Variants in PTPRG observed in about 807,000 individuals in gnomAD.
PTPRG encodes protein tyrosine phosphatase receptor type G.
A neutral mutation model predicts 165.3 loss-of-function variants in PTPRG; 102 were observed. That is an observed-to-expected ratio of 0.62 (90% CI 0.53 to 0.73). The LOEUF is 0.73. PTPRG is among the 30% of genes least tolerant of loss of function. The pLI, the probability that PTPRG is intolerant of heterozygous loss-of-function variation, is 0.00. For synonymous variants in PTPRG, 675 were observed against 669.5 expected (o/e 1.01, Z -0.13); for missense variants, 1,866 against 1,861.4 (o/e 1.00, Z -0.05).
rs182330120 is a variant in PTPRG at position 61,990,216 on chromosome 3, C to A, written c.370+412C>A. 7.7e-3 allele frequency among the ~76,000 whole-genome samples: 1,175 copies of A among 152,162 alleles called. 22 individuals carry two copies. Among genetic ancestry groups the A allele is most frequent in the African/African-American group, 0.027 (1,128 of 41,504 alleles). On this transcript the variant is annotated intron_variant, in intron 3 of 29. Coordinates refer to ENST00000474889, the MANE Select transcript of PTPRG (RefSeq NM_002841.4). The stretch of plus-strand genomic sequence containing the variant: ...CCTCAGTTGTATTAGGTACATTTCA[C>A]GTGCTTATCTGCCACATACGGCTAG...
At position 62,021,101 on chromosome 3, in the gene PTPRG, A is replaced by G. The variant is rs150298846; in HGVS notation, c.519+17604A>G. On this transcript the variant is annotated intron_variant, in intron 4 of 29. Transcript: ENST00000474889. ...GTTGAACTTGTTCCCTCATCAGTAA[A>G]ATGACTTTTAATACGAATACCTGCG... 3.2e-3 allele frequency among the ~76,000 whole-genome samples: 481 copies of G among 150,938 alleles called. 3 individuals carry two copies. The highest frequency in any genetic ancestry group is 0.011 in the African/African-American group (461 of 40,716).
chr3:61,719,388 G>C (rs959334021), intron 1 of PTPRG, among the ~76,000 whole-genome samples: 2 of 152,150 alleles, frequency 1.3e-5, no homozygotes, highest in African/African-American at 4.8e-5. Flanking sequence ...CTGGTGTCGA[G>C]GTCTTTTCTT....
intron 26 of PTPRG, among the ~76,000 whole-genome samples, chr3:62,280,738 C>A (rs765463004): frequency 1.3e-5 from 2 of 151,996 alleles, no homozygotes; most frequent in East Asian, 1.9e-4. Flanking sequence ...GAAATCAACA[C>A]CTCGTAAAGA....
chr3:62,041,065 C>T (rs1025970923), intron 4 of PTPRG, among the ~76,000 whole-genome samples: 1 of 152,120 alleles, frequency 6.6e-6, no homozygotes. Flanking sequence ...TCTGTCTCTT[C>T]CTCTGTAAAA....
At chr3:61,690,813 A>AT (rs200547448) in intron 1 of PTPRG, among the ~76,000 whole-genome samples, 1,570 of 147,754 alleles carry the variant, frequency 0.011, 56 homozygotes, top group Admixed American at 0.064. Context: ...CTAGAGAGTG[A>AT]TTTTTTTTTT....
chr3:61,708,377 A>G (rs1040757487), intron 1 of PTPRG, among the ~76,000 whole-genome samples: 1 of 151,266 alleles, frequency 6.6e-6, no homozygotes, highest in Non-Finnish European at 1.5e-5. Flanking sequence ...TCACAGCCCA[A>G]CTGGGGGATC....
At chr3:61,883,412 T>C (rs1264042883) in intron 2 of PTPRG, among the ~76,000 whole-genome samples, 1 of 152,238 alleles carries the variant, frequency 6.6e-6, no homozygotes, top group East Asian at 1.9e-4. Flanking sequence ...TCCAGAAACT[T>C]TTCCTGGATT....
chr3:61,985,697 T>A (rs1286651270), intron 2 of PTPRG, among the ~76,000 whole-genome samples: 1 of 152,184 alleles, frequency 6.6e-6, no homozygotes, highest in Non-Finnish European at 1.5e-5. Flanking sequence ...GATGGATTGA[T>A]CATTAAGACT....
At chr3:61,722,329 C>T (rs1169661450) in intron 1 of PTPRG, among the ~76,000 whole-genome samples, 1 of 152,100 alleles carries the variant, frequency 6.6e-6, no homozygotes, top group Non-Finnish European at 1.5e-5. Context: ...CCCCCGTGGG[C>T]CAAATACGTT....
At chr3:61,779,837 C>G (rs1248054289) in intron 2 of PTPRG, among the ~76,000 whole-genome samples, 1 of 152,192 alleles carries the variant, frequency 6.6e-6, no homozygotes, top group Admixed American at 6.5e-5. Flanking sequence ...CCCAAGGGCT[C>G]TATGGGGCCA....
chr3:61,562,189 G>T lies in PTPRG; in HGVS notation c.-99G>T. ...GGGGGGCCCGTGGAGCGGGCGAGCC[G>T]GGGAAGCGCCCCGGCTTAGCGGAGG... is the stretch of plus-strand genomic sequence containing the variant. On this transcript the variant is annotated 5_prime_UTR_variant, in exon 1 of 30. Transcript: ENST00000474889. 1 of 1,060,004 alleles carries T rather than the reference G, an allele frequency of 9.4e-7. No homozygotes were observed. The highest frequency in any genetic ancestry group is 2.9e-5 in the East Asian group (1 of 34,778). The allele number at this position is 1,060,004 out of a possible 1,614,324, so 65.7% of individuals were successfully genotyped here. A position where few individuals can be genotyped will look rare whatever the true frequency, so the allele number is the denominator to read the frequency against.
At chr3:61,667,098 T>C (rs1296833454) in intron 1 of PTPRG, among the ~76,000 whole-genome samples, 1 of 152,194 alleles carries the variant, frequency 6.6e-6, no homozygotes, top group African/African-American at 2.4e-5. Context: ...CAGTAATTGC[T>C]TTAGGATGGG....
intron 6 of PTPRG, among the ~76,000 whole-genome samples, chr3:62,156,255 C>T (rs1291997984): frequency 6.6e-6 from 1 of 152,182 alleles, no homozygotes; most frequent in Non-Finnish European, 1.5e-5. Context: ...TGAGTCAGAG[C>T]TGTGTGGAGT....
chr3:62,091,762 T>C (rs1359486555), intron 5 of PTPRG, among the ~76,000 whole-genome samples: 3 of 152,120 alleles, frequency 2.0e-5, no homozygotes, highest in Non-Finnish European at 2.9e-5. Flanking sequence ...GTTCTGGCAA[T>C]TTATTTCATT....
intron 4 of PTPRG, among the ~76,000 whole-genome samples, chr3:62,077,932 A>G (rs1301740035): frequency 2.7e-5 from 4 of 147,530 alleles, no homozygotes; most frequent in Non-Finnish European, 6.0e-5. Flanking sequence ...TGGGAGGCGG[A>G]GGTTGTAGTG....
intron 4 of PTPRG, among the ~76,000 whole-genome samples, chr3:62,018,322 C>T (rs537781237): frequency 2.8e-4 from 43 of 152,326 alleles, no homozygotes; most frequent in African/African-American, 7.2e-4. Flanking sequence ...AGCTGACAGT[C>T]TGCTTTTCCA....
chr3:62,250,486 C>T (rs1334922269), intron 15 of PTPRG, among the ~76,000 whole-genome samples: 2 of 152,134 alleles, frequency 1.3e-5, no homozygotes, highest in Non-Finnish European at 2.9e-5. Flanking sequence ...TTTTTCCTTT[C>T]TAATATCAAA....
At chr3:61,568,526 C>T (rs916695733) in intron 1 of PTPRG, among the ~76,000 whole-genome samples, 3 of 152,138 alleles carry the variant, frequency 2.0e-5, no homozygotes, top group African/African-American at 7.2e-5. Context: ...GGTGTTTTGA[C>T]AGAAAAATAT....
rs143846273 is a variant in PTPRG, at chr3:61,876,452, A to T, written c.191-113173A>T. On this transcript the variant is annotated intron_variant, in intron 2 of 29. Coordinates refer to ENST00000474889, the MANE Select transcript of PTPRG (RefSeq NM_002841.4). ...TCAATTTCCTGGTTTTGATCATTGTACTGTGGCTGTGGGCCACAGTCAACA... is the reference window on the plus strand; with the variant it reads ...TCAATTTCCTGGTTTTGATCATTGTTCTGTGGCTGTGGGCCACAGTCAACA... Among the ~76,000 whole-genome samples the T allele has an allele frequency of 3.4e-4, 52 of 152,314 alleles. 1 individual carries two copies. The East Asian group carries it at 6.9e-3, about 20-fold the overall frequency.
Sources: gnomAD v4.1 joint callset for allele counts (sites outside exome capture counted in the v4.1 genomes callset) on GRCh38, gnomAD v4.1.1 for gene constraint, MANE v1.5 for transcripts, NCBI Gene and HGNC (gene_info 2026-07-23, HGNC 2026-07-21) for gene names.